SOS1: variants seen among roughly 807,000 people sequenced by gnomAD.
SOS1 encodes the protein son of sevenless homolog 1.
In SOS1, 25 loss-of-function variants were observed where a neutral mutation model predicts 157.6. The observed-to-expected ratio is 0.16, with a 90% CI of 0.12 to 0.22. SOS1 has a LOEUF of 0.22. SOS1 is among the 10% of genes least tolerant of loss of function. The pLI is 1.00. For missense variants in SOS1, 1,237 were observed against 1,599.1 expected, an observed-to-expected ratio of 0.77 and a Z score of 3.86; for synonymous variants, 528 against 534.0, an observed-to-expected ratio of 0.99 and a Z score of 0.16.
intron 1 of SOS1, among the ~76,000 whole-genome samples, chr2:39,103,494 T>G (rs566575694): frequency 6.6e-6 from 1 of 152,280 alleles, no homozygotes; most frequent in South Asian, 2.1e-4. Context: ...CAAAATAAAC[T>G]GATACATCTA....
Position 39,067,847 on chromosome 2 carries a change from G to A in SOS1, c.88-94C>T, listed in dbSNP as rs55649188. 11,646 of 1,106,222 alleles carry A rather than the reference G, an allele frequency of 0.011. 544 individuals are homozygous for A. In the African/African-American group the frequency reaches 0.12, roughly 11 times the overall value. 68.5% of individuals were successfully genotyped at this position (1,106,222 alleles called of 1,614,324 possible). A position where few individuals can be genotyped will look rare whatever the true frequency, so the allele number is the denominator to read the frequency against. On this transcript the variant is annotated intron_variant, in intron 1 of 22. Transcript: ENST00000402219. The stretch of plus-strand genomic sequence containing the variant: ...AAAATGTGGGTTTGTGGCCGGGCAC[G>A]GTGGCTCATGCCTGTAATGCCAGCA...
chr2:39,076,694 A>C (rs1274962168), intron 1 of SOS1, among the ~76,000 whole-genome samples: 1 of 152,224 alleles, frequency 6.6e-6, no homozygotes, highest in Non-Finnish European at 1.5e-5. Context: ...CATAATCAAT[A>C]GTGCAATACT....
At position 39,120,803 on chromosome 2, in the gene SOS1, G is replaced by A. The variant is rs1673852401; in HGVS notation, c.-381C>T. On this transcript the variant is annotated 5_prime_UTR_variant, in exon 1 of 23. Transcript: ENST00000402219. ...CCCGGTCTGGCCCCGCGGCGGAGCT[G>A]GCGGCTGGGGGAGGACGTGTGGAGG... Among the ~76,000 whole-genome samples the A allele has an allele frequency of 6.7e-6, 1 of 150,040 alleles. No homozygotes were observed. The highest frequency in any genetic ancestry group is 1.5e-5 in the Non-Finnish European group (1 of 67,364).
At chr2:39,063,496 G>A (rs1671482829) in intron 2 of SOS1, among the ~76,000 whole-genome samples, 1 of 152,134 alleles carries the variant, frequency 6.6e-6, no homozygotes, top group Non-Finnish European at 1.5e-5. Flanking sequence ...CTGCAACACT[G>A]CCTGATGGTA....
chr2:39,097,251 GAA>G, intron 1 of SOS1, among the ~76,000 whole-genome samples: 1 of 152,272 alleles, frequency 6.6e-6, no homozygotes, highest in South Asian at 2.1e-4. Context: ...TATGCAAATT[GAA>G]GAGATGCAAA....
intron 6 of SOS1, among the ~76,000 whole-genome samples, chr2:39,049,669 T>C (rs1359782402): frequency 3.3e-5 from 5 of 152,208 alleles, no homozygotes; most frequent in African/African-American, 4.8e-5. Flanking sequence ...CTTAATGTTT[T>C]GTTTCCTTTT....
intron 1 of SOS1, among the ~76,000 whole-genome samples, chr2:39,110,068 G>GTGTT (rs1558518267): frequency 0.016 from 2,315 of 148,640 alleles, 70 homozygotes; most frequent in African/African-American, 0.057. Flanking sequence ...GTGTGTGTGT[G>GTGTT]TGTGTGTGTG....
At chr2:39,031,867 AAAGG>A (rs1212489677) in intron 8 of SOS1, among the ~76,000 whole-genome samples, 2 of 152,228 alleles carry the variant, frequency 1.3e-5, no homozygotes, top group Admixed American at 6.5e-5. Context: ...AAAAGGGCAC[AAAGG>A]AAGTTTTTTT....
intron 1 of SOS1, among the ~76,000 whole-genome samples, chr2:39,081,940 G>T (rs1198063195): frequency 6.6e-6 from 1 of 151,988 alleles, no homozygotes; most frequent in African/African-American, 2.4e-5. Flanking sequence ...GGGTACATAG[G>T]TGCATATATT....
intron 1 of SOS1, among the ~76,000 whole-genome samples, chr2:39,069,611 G>A (rs1167894706): frequency 6.6e-6 from 1 of 150,588 alleles, no homozygotes; most frequent in African/African-American, 2.4e-5. Flanking sequence ...GCAGTGGTGT[G>A]ATCTCGGCTC....
intron 20 of SOS1, 127 bp from the exon 21 acceptor site, chr2:38,989,441 A>C: frequency 2.9e-6 from 2 of 682,820 alleles, no homozygotes; most frequent in Non-Finnish European, 5.4e-6. Flanking sequence ...GTAACAGTTT[A>C]TAGTAAAACC....
At chr2:39,008,591 C>T (rs566872874) in intron 15 of SOS1, among the ~76,000 whole-genome samples, 6 of 152,284 alleles carry the variant, frequency 3.9e-5, no homozygotes, top group South Asian at 2.1e-4. Context: ...GGAAATAAGA[C>T]GGCTGAGAGG....
chr2:39,055,433 T>C (rs1179734787), intron 4 of SOS1, among the ~76,000 whole-genome samples: 1 of 152,174 alleles, frequency 6.6e-6, no homozygotes, highest in Non-Finnish European at 1.5e-5. Flanking sequence ...CCTTGTTTTA[T>C]ATATACTTAT....
At chr2:39,036,508 G>T (rs1478944228) in intron 6 of SOS1, among the ~76,000 whole-genome samples, 1 of 152,064 alleles carries the variant, frequency 6.6e-6, no homozygotes. Context: ...ACACCACCGC[G>T]CCTGGTTACA....
At chr2:39,090,063 C>A (rs926767072) in intron 1 of SOS1, among the ~76,000 whole-genome samples, 1 of 150,774 alleles carries the variant, frequency 6.6e-6, no homozygotes, top group Non-Finnish European at 1.5e-5. Flanking sequence ...TCACTTAAGC[C>A]TGGGAGGCAG....
chr2:38,988,805 A>G (rs2124461760), intron 21 of SOS1, among the ~76,000 whole-genome samples: 1 of 152,274 alleles, frequency 6.6e-6, no homozygotes, highest in East Asian at 1.9e-4. Context: ...TATACTTTGA[A>G]TAATTACAAT....
chr2:39,123,158 C>A (rs1009525608), upstream of SOS1, among the ~76,000 whole-genome samples: 7 of 152,118 alleles, frequency 4.6e-5, no homozygotes, highest in East Asian at 1.9e-4. Context: ...CTAACTGTTC[C>A]CTTGGCTGGT....
intron 2 of SOS1, among the ~76,000 whole-genome samples, chr2:39,061,396 A>AT (rs543819292): frequency 1.1e-4 from 17 of 151,766 alleles, no homozygotes; most frequent in Non-Finnish European, 1.3e-4. Flanking sequence ...CTTTTTATTT[A>AT]TTTTGGGGGG....
chr2:39,120,598 G>A lies in SOS1; in HGVS notation c.-176C>T. 1.5e-6 allele frequency: 1 copy of A among 672,988 alleles called. No homozygotes were observed. The highest frequency in any genetic ancestry group is 1.9e-6 in the Non-Finnish European group (1 of 540,440). The allele number at this position is 672,988 out of a possible 1,614,324, so 41.7% of individuals were successfully genotyped here. A position where few individuals can be genotyped will look rare whatever the true frequency, so the allele number is the denominator to read the frequency against. On this transcript the variant is annotated 5_prime_UTR_variant, in exon 1 of 23. Transcript: ENST00000402219. ...GCGAGGGGGCTGGGGGGCGAGGCCC[G>A]CGCCTGGCCACCCACCCGACACAGG...
Sources: allele counts gnomAD v4.1 joint callset (sites outside exome capture counted in the v4.1 genomes callset), GRCh38; gene constraint gnomAD v4.1.1; transcripts MANE v1.5; gene names NCBI Gene and HGNC (gene_info 2026-07-23, HGNC 2026-07-21).